The following HSPA4 variants were observed in gnomAD, a reference collection of about 807,000 sequenced individuals.
HSPA4 encodes the protein heat shock protein family A (Hsp70) member 4, also known as heat shock 70 kDa protein 4.
A neutral mutation model predicts 106.2 loss-of-function variants in HSPA4; 25 were observed. The observed-to-expected ratio is 0.24, with a 90% CI of 0.17 to 0.33. The LOEUF (loss-of-function observed/expected upper bound fraction) is 0.33, where lower values mean the gene tolerates loss of function less well. Among genes scored for constraint, HSPA4 ranks in the 10% least tolerant of loss-of-function variants. HSPA4 has a pLI of 1.00. For missense variants in HSPA4, 841 were observed against 996.0 expected, an observed-to-expected ratio of 0.84 and a Z score of 2.10; for synonymous variants, 332 against 333.6, an observed-to-expected ratio of 1.00 and a Z score of 0.05.
chr5:133,052,397 G>GA, intron 1 of HSPA4, 40 bp downstream of exon 1: 1 of 1,290,684 alleles, frequency 7.7e-7, no homozygotes, highest in Non-Finnish European at 1.1e-6. Flanking sequence ...CTGGGGTTAG[G>GA]AGATAATGCT....
chr5:133,059,912 T>A (rs928837269), intron 1 of HSPA4, among the ~76,000 whole-genome samples: 1 of 152,172 alleles, frequency 6.6e-6, no homozygotes, highest in African/African-American at 2.4e-5. Flanking sequence ...ACTGCAAGAT[T>A]TGAAAGTTCT....
rs181054618 is a variant in HSPA4, at chr5:133,100,261, T to C, written c.2037+609T>C. ...GTATTTTTAGTAGAGACAGGGTTTC[T>C]TTTCACCATGTTGGCCAGGCTGGTC... On this transcript the variant is annotated intron_variant, in intron 16 of 18. Transcript: ENST00000304858. Among the ~76,000 whole-genome samples, 39 of 151,868 alleles carry C rather than the reference T, an allele frequency of 2.6e-4. No individual in the cohort carries two copies. The East Asian group carries it at 6.0e-3, about 24-fold the overall frequency.
intron 7 of HSPA4, among the ~76,000 whole-genome samples, chr5:133,083,420 G>T (rs1401642007): frequency 6.6e-6 from 1 of 152,152 alleles, no homozygotes; most frequent in Non-Finnish European, 1.5e-5. Context: ...AAAGTTGGAA[G>T]AATTTTACAG....
rs1581460066 is a variant in HSPA4 at position 133,052,193 on chromosome 5, G to A, written c.-58G>A. On this transcript the variant is annotated 5_prime_UTR_variant, in exon 1 of 19. Coordinates refer to ENST00000304858, the MANE Select transcript of HSPA4 (RefSeq NM_002154.4). ...TTTCCACTCGCTAGCCCCGCCGGGG[G>A]TCCGTGTCCTGTCTCGGTGGCCGGA... 1 of 1,208,586 alleles carries A rather than the reference G, an allele frequency of 8.3e-7. No individual in the cohort carries two copies. The allele number at this position is 1,208,586 out of a possible 1,614,324, so 74.9% of individuals were successfully genotyped here.
intron 3 of HSPA4, among the ~76,000 whole-genome samples, chr5:133,068,317 G>C (rs1765337246): frequency 6.6e-6 from 1 of 152,142 alleles, no homozygotes; most frequent in African/African-American, 2.4e-5. Context: ...ATCTAGTGGA[G>C]TCTCTGTGAA....
At chr5:133,072,392 G>GGT (rs1765393044) in intron 4 of HSPA4, among the ~76,000 whole-genome samples, 1 of 75,726 alleles carries the variant, frequency 1.3e-5, no homozygotes, top group Non-Finnish European at 2.4e-5. Flanking sequence ...GTCCAGGGTT[G>GGT]TTTTTTTTTT....
intron 9 of HSPA4, 135 bp downstream of exon 9, chr5:133,088,690 A>T (rs1765609152): frequency 1.5e-6 from 1 of 689,014 alleles, no homozygotes; most frequent in East Asian, 2.7e-5. Flanking sequence ...TTGTTTTAAA[A>T]TAGAGGTGAT....
chr5:133,086,883 GT>G (rs780340345), intron 8 of HSPA4, 25 bp downstream of exon 8: 1,159 of 1,510,010 alleles, frequency 7.7e-4, no homozygotes, highest in Non-Finnish European at 9.8e-4. Context: ...GATTGAATTT[GT>G]TTGCGTATCT....
intron 6 of HSPA4, 128 bp downstream of exon 6, chr5:133,074,254 A>AT (rs1050579373): frequency 2.5e-5 from 12 of 483,410 alleles, no homozygotes; most frequent in Non-Finnish European, 3.9e-5. Context: ...TATTCAGAGG[A>AT]TTTTTTTTCT....
At chr5:133,079,564 T>C (rs748286809) in intron 7 of HSPA4, among the ~76,000 whole-genome samples, 1 of 152,224 alleles carries the variant, frequency 6.6e-6, no homozygotes, top group Non-Finnish European at 1.5e-5. Context: ...GTTTCTACTT[T>C]TTAGCTATTG....
At chr5:133,080,423 A>G (rs1765500038) in intron 7 of HSPA4, among the ~76,000 whole-genome samples, 1 of 150,778 alleles carries the variant, frequency 6.6e-6, no homozygotes, top group African/African-American at 2.4e-5. Context: ...GTCTCAAAAA[A>G]AAAAAAAAAA....
intron 2 of HSPA4, among the ~76,000 whole-genome samples, chr5:133,065,604 A>G (rs1765296982): frequency 6.6e-6 from 1 of 152,210 alleles, no homozygotes; most frequent in South Asian, 2.1e-4. Context: ...CTTGTTAAGC[A>G]AGGCTTGCTT....
chr5:133,052,043 T>A lies in HSPA4; in HGVS notation c.-208T>A. ...CTTCTCCGCCCCCGCTACCGGCGCC[T>A]CCTCTGCGGCCACTGAGCCGGAGCC... On this transcript the variant is annotated 5_prime_UTR_variant, in exon 1 of 19. Coordinates refer to ENST00000304858, the MANE Select transcript of HSPA4 (RefSeq NM_002154.4). 2 of 527,670 alleles carry A rather than the reference T, an allele frequency of 3.8e-6. No homozygotes were observed. The highest frequency in any genetic ancestry group is 6.7e-6 in the Non-Finnish European group (2 of 297,236). 32.7% of individuals were successfully genotyped at this position (527,670 alleles called of 1,614,324 possible).
At position 133,063,251 on chromosome 5, in the gene HSPA4, T is replaced by A. The variant is rs1454725416; in HGVS notation, c.108-1729T>A. 4.6e-5 allele frequency among the ~76,000 whole-genome samples: 7 copies of A among 151,936 alleles called. No homozygotes were observed. In the East Asian group the frequency reaches 1.4e-3, roughly 30 times the overall value. ...CCCGTGACTGCCCCATAGCTGGGAT[T>A]ACAGGTGCTCACCACCATGCCCAGC... is the stretch of plus-strand genomic sequence containing the variant. On this transcript the variant is annotated intron_variant, in intron 1 of 18. Transcript: ENST00000304858.
At chr5:133,074,401 C>T (rs1373728065) in intron 6 of HSPA4, among the ~76,000 whole-genome samples, 1 of 152,048 alleles carries the variant, frequency 6.6e-6, no homozygotes, top group South Asian at 2.1e-4. Context: ...GCCTCAGCCT[C>T]CCTAGTAGCT....
chr5:133,084,504 C>T (rs752487451), intron 7 of HSPA4, among the ~76,000 whole-genome samples: 5 of 152,072 alleles, frequency 3.3e-5, no homozygotes, highest in Non-Finnish European at 5.9e-5. Flanking sequence ...GAGTTTCACT[C>T]TTTTCGTCCA....
chr5:133,077,047 C>G (rs898496621), intron 7 of HSPA4, 149 bp downstream of exon 7: 3 of 658,066 alleles, frequency 4.6e-6, no homozygotes, highest in Admixed American at 3.0e-5. Context: ...CAGGACCCTG[C>G]TTTTTATGTA....
rs144031842 is a variant in HSPA4, at chr5:133,074,031, G to A, written c.568G>A (p.Ala190Thr). ...AYGIYKQDLP[A>T]LEEKPRNVVF... Reference sequence around the variant, plus strand: ...TGGAATCTATAAGCAGGATCTTCCTGCCTTAGAAGAGAAACCAAGAAATGT... The same window carrying A: ...TGGAATCTATAAGCAGGATCTTCCTACCTTAGAAGAGAAACCAAGAAATGT... Residue 190 changes from alanine (A) to threonine (T), a missense_variant, in exon 6 of 19, where the codon GCC (alanine) becomes ACC (threonine). Ala to Thr is a moderately conservative substitution (Grantham distance 58, BLOSUM62 0). Transcript: ENST00000304858. 1 of 1,606,664 alleles carries A rather than the reference G, an allele frequency of 6.2e-7. No individual in the cohort carries two copies. The highest frequency in any genetic ancestry group is 8.5e-7 in the Non-Finnish European group (1 of 1,177,030).
rs1271430245 is a variant in HSPA4, at chr5:133,091,174, G to A, written c.1379-19G>A. 8.7e-6 allele frequency: 14 copies of A among 1,603,894 alleles called. No individual in the cohort carries two copies. Among genetic ancestry groups the A allele is most frequent in the East Asian group, 2.2e-5 (1 of 44,830 alleles). On this transcript the variant is annotated intron_variant, in intron 11 of 18. Coordinates refer to ENST00000304858, the MANE Select transcript of HSPA4 (RefSeq NM_002154.4). ...ATCCTCTTAGGTTATGTGTTCTTTT[G>A]TCTCTCGTATGTCCCTAGCTCAGTT...
Sources: allele counts gnomAD v4.1 joint callset (sites outside exome capture counted in the v4.1 genomes callset), GRCh38; gene constraint gnomAD v4.1.1; transcripts MANE v1.5; gene names NCBI Gene and HGNC (gene_info 2026-07-23, HGNC 2026-07-21).